GABARAPL2: variants seen among roughly 807,000 people sequenced by gnomAD.
GABARAPL2 encodes the protein gamma-aminobutyric acid receptor-associated protein-like 2.
A neutral mutation model predicts 16.9 loss-of-function variants in GABARAPL2; 11 were observed. That is an observed-to-expected ratio of 0.65 (90% CI 0.41 to 1.08). The LOEUF (loss-of-function observed/expected upper bound fraction) is 1.08. Among genes scored for constraint, GABARAPL2 ranks in the 50% least tolerant of loss-of-function variants. The probability of loss-of-function intolerance (pLI) is 0.00; values close to 1 mark genes in which losing one functional copy is unlikely to be tolerated. For missense variants in GABARAPL2, 134 were observed against 142.5 expected (o/e 0.94, Z 0.30); for synonymous variants, 57 against 50.7 (o/e 1.12, Z -0.53).
Position 75,568,097 on chromosome 16 carries a change from G to T in GABARAPL2, c.151G>T (p.Val51Phe). Residue 51 changes from valine (V) to phenylalanine (F), a missense_variant, in exon 3 of 4, where the codon GTT (valine) becomes TTT (phenylalanine). Val to Phe is a conservative substitution (Grantham distance 50). Coordinates refer to ENST00000037243, the MANE Select transcript of GABARAPL2 (RefSeq NM_007285.7). ...IVDIDKRKYLVPSDITVAQFM... is the reference protein window; with the variant it reads ...IVDIDKRKYLFPSDITVAQFM... ...TGACATTGACAAACGGAAGTACTTG[G>T]TTCCATCTGATATCACTGTGGCTCA... 6.2e-7 allele frequency: 1 copy of T among 1,612,214 alleles called. No individual in the cohort carries two copies. The highest frequency in any genetic ancestry group is 8.5e-7 in the Non-Finnish European group (1 of 1,178,340).
intron 3 of GABARAPL2, chr16:75,575,539 T>A (rs931393638): frequency 2.6e-5 from 4 of 152,438 alleles, no homozygotes; most frequent in African/African-American, 9.6e-5. Flanking sequence ...AAGCTCCGCC[T>A]CCCAGGCTCA....
chr16:75,569,999 C>T (rs1472637562), intron 3 of GABARAPL2, among the ~76,000 whole-genome samples: 1 of 152,174 alleles, frequency 6.6e-6, no homozygotes, highest in Admixed American at 6.5e-5. Context: ...GAGTCACCAG[C>T]TAGGGCCCTT....
rs2080957434 is a variant in GABARAPL2, at chr16:75,577,547, GTTTTA to G, written c.*183_*187del. The G allele has an allele frequency of 1.1e-5, 6 of 529,886 alleles. No individual in the cohort carries two copies. Among genetic ancestry groups the G allele is most frequent in the Admixed American group, 3.3e-5 (1 of 30,284 alleles). 32.8% of individuals were successfully genotyped at this position (529,886 alleles called of 1,614,324 possible). ...TTAGACTAGTAAATTATCATACAGA[GTTTTA>G]TTTTGAGTTTTTCTTTTTGTGCATT... On this transcript the variant is annotated 3_prime_UTR_variant, in exon 4 of 4. Coordinates refer to ENST00000037243, the MANE Select transcript of GABARAPL2 (RefSeq NM_007285.7).
intron 3 of GABARAPL2, among the ~76,000 whole-genome samples, chr16:75,573,429 A>G (rs1160247543): frequency 6.6e-6 from 1 of 152,232 alleles, no homozygotes; most frequent in African/African-American, 2.4e-5. Flanking sequence ...CATGTTCAGC[A>G]TTGAGCATTC....
intron 3 of GABARAPL2, among the ~76,000 whole-genome samples, chr16:75,570,108 T>A (rs940322357): frequency 1.3e-5 from 2 of 152,220 alleles, no homozygotes; most frequent in African/African-American, 2.4e-5. Flanking sequence ...AAGTAATTTT[T>A]TTTTTGAGAC....
intron 3 of GABARAPL2, among the ~76,000 whole-genome samples, chr16:75,570,489 C>A (rs2080908440): frequency 6.6e-6 from 1 of 152,164 alleles, no homozygotes; most frequent in Admixed American, 6.5e-5. Flanking sequence ...TCATGCAGTG[C>A]TTGCTGGCTT....
In GABARAPL2 at chr16:75,570,945, C is replaced by T. The variant is rs753613499; in HGVS notation, c.263+2736C>T. Among the ~76,000 whole-genome samples the T allele has an allele frequency of 5.9e-5, 9 of 152,260 alleles. No individual in the cohort carries two copies. In the South Asian group the frequency reaches 6.2e-4, roughly 11 times the overall value. ...CAGTGTACAAGTTTCCTAGTCATGACGTTAGAGGGGAACTCAGACCTGGCA... is the reference window on the plus strand; with the variant it reads ...CAGTGTACAAGTTTCCTAGTCATGATGTTAGAGGGGAACTCAGACCTGGCA... On this transcript the variant is annotated intron_variant, in intron 3 of 3. Coordinates refer to ENST00000037243, the MANE Select transcript of GABARAPL2 (RefSeq NM_007285.7).
intron 3 of GABARAPL2, chr16:75,572,720 A>T (rs1195558146): frequency 1.3e-5 from 2 of 152,226 alleles, no homozygotes; most frequent in Non-Finnish European, 2.9e-5. Context: ...ATAGTACTTC[A>T]GGGTCCCACT....
intron 3 of GABARAPL2, chr16:75,572,457 C>T (rs112128051): frequency 2.6e-5 from 4 of 152,344 alleles, no homozygotes; most frequent in African/African-American, 7.2e-5. Flanking sequence ...TTGGTTGGGG[C>T]GAACGTAGGT....
At chr16:75,569,875 A>G (rs1391051226) in intron 3 of GABARAPL2, among the ~76,000 whole-genome samples, 1 of 152,114 alleles carries the variant, frequency 6.6e-6, no homozygotes, top group Non-Finnish European at 1.5e-5. Context: ...TCCAAGTCCC[A>G]TTTGCCTTTC....
Position 75,577,467 on chromosome 16 carries a change from A to T in GABARAPL2, c.*98A>T. On this transcript the variant is annotated 3_prime_UTR_variant, in exon 4 of 4. Coordinates refer to ENST00000037243, the MANE Select transcript of GABARAPL2 (RefSeq NM_007285.7). The stretch of plus-strand genomic sequence containing the variant: ...TACCAGAACCTCTTCACATAGACCT[A>T]TTAGTGCATTTGTAACTGGATTTAT... The T allele has an allele frequency of 1.4e-6, 1 of 737,076 alleles. No homozygotes were observed. The highest frequency in any genetic ancestry group is 1.5e-5 in the South Asian group (1 of 66,312). 45.7% of individuals were successfully genotyped at this position (737,076 alleles called of 1,614,324 possible).
chr16:75,566,586 CG>C, intron 1 of GABARAPL2, 66 bp downstream of exon 1: 2 of 1,571,104 alleles, frequency 1.3e-6, no homozygotes, highest in Non-Finnish European at 1.7e-6. Flanking sequence ...CTCCCCCACT[CG>C]GGCGGCCCTG....
In GABARAPL2 at chr16:75,568,141, G is replaced by GA; in HGVS notation, c.199dup (p.Arg67LysfsTer7). ...TGGCTCAGTTCATGTGGATCATCAG[G>GA]AAAAGGATCCAGCTTCCTTCTGAAA... On this transcript the variant is annotated frameshift_variant, in exon 3 of 4. Transcript: ENST00000037243. LOFTEE classifies it high-confidence loss of function. The GA allele has an allele frequency of 6.2e-7, 1 of 1,612,962 alleles. No homozygotes were observed. Among genetic ancestry groups the GA allele is most frequent in the African/African-American group, 1.3e-5 (1 of 75,032 alleles).
chr16:75,573,030 A>T (rs1347281382), intron 3 of GABARAPL2, among the ~76,000 whole-genome samples: 1 of 152,222 alleles, frequency 6.6e-6, no homozygotes, highest in Non-Finnish European at 1.5e-5. Flanking sequence ...GGATAGATGC[A>T]TTAGAGCTGC....
Position 75,577,573 on chromosome 16 carries a change from G to A in GABARAPL2, c.*204G>A. On this transcript the variant is annotated 3_prime_UTR_variant, in exon 4 of 4. Transcript: ENST00000037243. ...TTTTATTTTGAGTTTTTCTTTTTGTGCATTGTCCTCATGCCTGTATTCTCC... is the reference window on the plus strand; with the variant it reads ...TTTTATTTTGAGTTTTTCTTTTTGTACATTGTCCTCATGCCTGTATTCTCC... The A allele has an allele frequency of 2.0e-6, 1 of 505,402 alleles. No individual in the cohort carries two copies. Among genetic ancestry groups the A allele is most frequent in the Non-Finnish European group, 3.5e-6 (1 of 282,870 alleles). The allele number at this position is 505,402 out of a possible 1,614,324, so 31.3% of individuals were successfully genotyped here. A position where few individuals can be genotyped will look rare whatever the true frequency, so the allele number is the denominator to read the frequency against.
chr16:75,577,189 G>A (rs984977159), intron 3 of GABARAPL2, 90 bp from the exon 4 acceptor site: 23 of 789,166 alleles, frequency 2.9e-5, no homozygotes, highest in African/African-American at 5.1e-5. Context: ...GACACCTGAA[G>A]TCTTACTAAA....
At chr16:75,575,371 C>A (rs1274963851) in intron 3 of GABARAPL2, among the ~76,000 whole-genome samples, 2 of 152,054 alleles carry the variant, frequency 1.3e-5, no homozygotes, top group Non-Finnish European at 2.9e-5. Context: ...TCTTGGCTCA[C>A]TGCAACCTCC....
At chr16:75,568,376 TA>T in intron 3 of GABARAPL2, 167 bp downstream of exon 3, 1 of 491,154 alleles carries the variant, frequency 2.0e-6, no homozygotes, top group East Asian at 2.9e-5. Flanking sequence ...CTGCAATACA[TA>T]AGAGTGCATT....
chr16:75,567,910 T>C (rs2080893521), intron 2 of GABARAPL2, 127 bp from the exon 3 acceptor site: 1 of 622,798 alleles, frequency 1.6e-6, no homozygotes, highest in African/African-American at 1.8e-5. Context: ...GCCAAAGACA[T>C]ATTTTCTCCT....
Sources: gnomAD v4.1 joint callset for allele counts (sites outside exome capture counted in the v4.1 genomes callset) on GRCh38, gnomAD v4.1.1 for gene constraint, MANE v1.5 for transcripts, NCBI Gene and HGNC (gene_info 2026-07-23, HGNC 2026-07-21) for gene names.